TAF3: variants seen among roughly 807,000 people sequenced by gnomAD.
TAF3 encodes transcription initiation factor TFIID subunit 3.
TAF3 carries 7 observed loss-of-function variants against 80.6 expected under a neutral mutation model. That is an observed-to-expected ratio of 0.09 (90% CI 0.05 to 0.16). The LOEUF is 0.16. Ranked by LOEUF, TAF3 falls within the 10% of genes least tolerant of loss-of-function variation. The pLI is 1.00. For synonymous variants in TAF3, 444 were observed against 446.1 expected (o/e 1.00, Z 0.06); for missense variants, 921 against 1,140.2 (o/e 0.81, Z 2.77).
chr10:7,888,369 A>G (rs982710672), intron 2 of TAF3, among the ~76,000 whole-genome samples: 2 of 152,166 alleles, frequency 1.3e-5, no homozygotes, highest in African/African-American at 4.8e-5. Flanking sequence ...TTTAACTTCT[A>G]TTTATTTTTA....
At chr10:7,959,311 TA>T (rs893857849) in intron 2 of TAF3, among the ~76,000 whole-genome samples, 5 of 152,238 alleles carry the variant, frequency 3.3e-5, no homozygotes, top group South Asian at 4.1e-4. Flanking sequence ...TTGTTTGTTC[TA>T]AAAAAAATCT....
At chr10:7,913,211 A>G (rs1354852828) in intron 2 of TAF3, among the ~76,000 whole-genome samples, 1 of 152,180 alleles carries the variant, frequency 6.6e-6, no homozygotes, top group Non-Finnish European at 1.5e-5. Context: ...CCCTGTGTCT[A>G]CATACAGGCA....
chr10:7,952,293 G>A (rs1838089748), intron 2 of TAF3, among the ~76,000 whole-genome samples: 1 of 152,050 alleles, frequency 6.6e-6, no homozygotes, highest in African/African-American at 2.4e-5. Context: ...TATTACCATA[G>A]CCAGGCCCTA....
At chr10:7,934,407 T>A (rs761925365) in intron 2 of TAF3, among the ~76,000 whole-genome samples, 3 of 152,216 alleles carry the variant, frequency 2.0e-5, no homozygotes, top group Non-Finnish European at 2.9e-5. Flanking sequence ...TATAAAAATC[T>A]TAATGTCCTT....
In TAF3 at chr10:7,873,622, C is replaced by CCA. The variant is rs1554779070; in HGVS notation, c.409+49063_409+49064insAC. ...AAGGGAAGACATCCGAGTTCTCCCCCCCCCCCCGTCAAAAGGGGGTGTCGA... is the reference window on the plus strand; with the variant it reads ...AAGGGAAGACATCCGAGTTCTCCCCCCACCCCCCCGTCAAAAGGGGGTGTCGA... On this transcript the variant is annotated intron_variant, in intron 2 of 6. Coordinates refer to ENST00000344293, the MANE Select transcript of TAF3 (RefSeq NM_031923.4). 2.2e-4 allele frequency among the ~76,000 whole-genome samples: 29 copies of CCA among 130,636 alleles called. 1 individual carries two copies. The highest frequency in any genetic ancestry group is 3.4e-5 in the Non-Finnish European group (2 of 59,438). The allele number at this position is 130,636 out of a possible 152,430, so 85.7% of individuals were successfully genotyped here.
At chr10:7,914,088 G>A (rs1837682536) in intron 2 of TAF3, among the ~76,000 whole-genome samples, 1 of 152,154 alleles carries the variant, frequency 6.6e-6, no homozygotes, top group African/African-American at 2.4e-5. Flanking sequence ...TAAAAATGTC[G>A]GGAGTTTTTT....
chr10:7,857,268 C>T (rs10905239), intron 2 of TAF3, among the ~76,000 whole-genome samples: 25,985 of 152,196 alleles, frequency 0.17, 2,662 homozygotes, highest in East Asian at 0.51. Flanking sequence ...AATGGAACAG[C>T]CACAGCTCAC....
intron 2 of TAF3, among the ~76,000 whole-genome samples, chr10:7,853,614 C>T (rs1837050137): frequency 6.6e-6 from 1 of 152,236 alleles, no homozygotes. Context: ...TCACATACCC[C>T]TTCCTTGTTT....
chr10:8,016,196 C>T lies in TAF3; in HGVS notation c.*1445C>T, dbSNP rs1443619967. ...ATTTTGAAATAATCCCAGTGTAGGC[C>T]CATGTGCTGGATCTGTTGGATGCTA... On this transcript the variant is annotated 3_prime_UTR_variant, in exon 7 of 7. Coordinates refer to ENST00000344293, the MANE Select transcript of TAF3 (RefSeq NM_031923.4). 1 of 151,986 alleles carries T rather than the reference C, an allele frequency of 6.6e-6. No individual in the cohort carries two copies. Among genetic ancestry groups the T allele is most frequent in the Non-Finnish European group, 1.5e-5 (1 of 68,016 alleles). The allele number at this position is 151,986 out of a possible 1,614,324, so 9.4% of individuals were successfully genotyped here.
At chr10:7,872,561 T>C (rs1286119367) in intron 2 of TAF3, among the ~76,000 whole-genome samples, 1 of 152,228 alleles carries the variant, frequency 6.6e-6, no homozygotes. Flanking sequence ...TTAAAACTCC[T>C]GGTTCTATCT....
intron 2 of TAF3, among the ~76,000 whole-genome samples, chr10:7,880,231 T>C (rs536216869): frequency 6.6e-6 from 1 of 152,230 alleles, no homozygotes; most frequent in South Asian, 2.1e-4. Flanking sequence ...GAGTGAAACC[T>C]TGTCTCGGAA....
chr10:7,909,259 G>C (rs1009951891), intron 2 of TAF3, among the ~76,000 whole-genome samples: 2 of 152,200 alleles, frequency 1.3e-5, no homozygotes, highest in Non-Finnish European at 2.9e-5. Context: ...GTTTCTGAGA[G>C]GGCTCTAGTT....
chr10:7,856,858 C>CAAAAAAAA lies in TAF3; in HGVS notation c.409+32313_409+32320dup. 2.2e-5 allele frequency among the ~76,000 whole-genome samples: 2 copies of CAAAAAAAA among 91,140 alleles called. 1 individual carries two copies. The highest frequency in any genetic ancestry group is 4.4e-5 in the Non-Finnish European group (2 of 45,254). The allele number at this position is 91,140 out of a possible 152,430, so 59.8% of individuals were successfully genotyped here. ...TGGTAAATGTTTAACAGCTGGTTCT[C>CAAAAAAAA]AAAAAAAAAAAAAAAAAAAAAAGCA... On this transcript the variant is annotated intron_variant, in intron 2 of 6. Coordinates refer to ENST00000344293, the MANE Select transcript of TAF3 (RefSeq NM_031923.4).
chr10:7,986,723 A>G (rs1831781827), intron 4 of TAF3, among the ~76,000 whole-genome samples: 1 of 152,170 alleles, frequency 6.6e-6, no homozygotes, highest in African/African-American at 2.4e-5. Context: ...GTAGCAGCCA[A>G]TGAGAGAAAG....
intron 2 of TAF3, among the ~76,000 whole-genome samples, chr10:7,888,312 C>T (rs1246597787): frequency 2.6e-5 from 4 of 152,084 alleles, no homozygotes; most frequent in Non-Finnish European, 4.4e-5. Context: ...ACAATGGTTT[C>T]CAGAGTGATG....
chr10:7,908,456 C>T (rs919791094), intron 2 of TAF3, among the ~76,000 whole-genome samples: 24 of 152,090 alleles, frequency 1.6e-4, no homozygotes, highest in African/African-American at 2.7e-4. Flanking sequence ...TTCATGTGAG[C>T]GGCTGTGAAG....
At chr10:7,826,326 A>G (rs541758047) in intron 2 of TAF3, among the ~76,000 whole-genome samples, 2 of 152,230 alleles carry the variant, frequency 1.3e-5, no homozygotes, top group Non-Finnish European at 2.9e-5. Context: ...CAAATATTCC[A>G]TAATAAAATT....
chr10:7,819,181 G>T (rs1378469325), intron 1 of TAF3, among the ~76,000 whole-genome samples: 2 of 152,014 alleles, frequency 1.3e-5, no homozygotes, highest in African/African-American at 2.4e-5. Flanking sequence ...ATTGTCTCCT[G>T]TTTGCTGCGG....
intron 2 of TAF3, among the ~76,000 whole-genome samples, chr10:7,870,655 C>T (rs1038524065): frequency 1.3e-5 from 2 of 152,070 alleles, no homozygotes. Flanking sequence ...GTTTTTAGGC[C>T]TTAACGAGCG....
Sources: allele counts gnomAD v4.1 joint callset (sites outside exome capture counted in the v4.1 genomes callset), GRCh38; gene constraint gnomAD v4.1.1; transcripts MANE v1.5; gene names NCBI Gene and HGNC (gene_info 2026-07-23, HGNC 2026-07-21).